The following PCDH9 variants were observed in gnomAD, a reference collection of about 807,000 sequenced individuals.
PCDH9 encodes protocadherin-9.
A neutral mutation model predicts 70.6 loss-of-function variants in PCDH9; 24 were observed. The observed-to-expected ratio is 0.34, with a 90% CI of 0.25 to 0.48. The LOEUF is 0.48. Among genes scored for constraint, PCDH9 ranks in the 20% least tolerant of loss-of-function variants. The pLI, the probability that PCDH9 is intolerant of heterozygous loss-of-function variation, is 0.99. For missense variants in PCDH9, 1,281 were observed against 1,503.6 expected, an observed-to-expected ratio of 0.85 and a Z score of 2.45; for synonymous variants, 562 against 558.5, an observed-to-expected ratio of 1.01 and a Z score of -0.09.
chr13:66,788,036 C>T (rs1323140555), intron 3 of PCDH9, among the ~76,000 whole-genome samples: 1 of 152,160 alleles, frequency 6.6e-6, no homozygotes, highest in African/African-American at 2.4e-5. Flanking sequence ...TTCTGTTGTA[C>T]TATACTGATA....
chr13:66,695,469 C>T (rs1297543080), intron 3 of PCDH9, among the ~76,000 whole-genome samples: 1 of 152,042 alleles, frequency 6.6e-6, no homozygotes, highest in Non-Finnish European at 1.5e-5. Flanking sequence ...TATAATCATG[C>T]TTTTTTCTTC....
intron 2 of PCDH9, among the ~76,000 whole-genome samples, chr13:67,195,293 C>T (rs2089031743): frequency 6.6e-6 from 1 of 151,990 alleles, no homozygotes; most frequent in Non-Finnish European, 1.5e-5. Context: ...TACAGGCGCC[C>T]TCCACCACGC....
intron 2 of PCDH9, among the ~76,000 whole-genome samples, chr13:67,048,812 A>G (rs2085270521): frequency 6.6e-6 from 1 of 152,204 alleles, no homozygotes; most frequent in African/African-American, 2.4e-5. Flanking sequence ...TGCACACAGT[A>G]GGTGTTCATA....
chr13:66,751,439 A>G (rs1291987321), intron 3 of PCDH9, among the ~76,000 whole-genome samples: 1 of 152,202 alleles, frequency 6.6e-6, no homozygotes, highest in Non-Finnish European at 1.5e-5. Flanking sequence ...AACAAAATCA[A>G]TTTTAGAAGC....
At chr13:66,735,800 C>A (rs1409155980) in intron 3 of PCDH9, among the ~76,000 whole-genome samples, 1 of 151,940 alleles carries the variant, frequency 6.6e-6, no homozygotes, top group African/African-American at 2.4e-5. Flanking sequence ...CTTGTCTCTA[C>A]TAAAAATACA....
chr13:67,187,285 G>C (rs994620223), intron 2 of PCDH9, among the ~76,000 whole-genome samples: 2 of 152,138 alleles, frequency 1.3e-5, no homozygotes, highest in African/African-American at 2.4e-5. Flanking sequence ...TTCAGTAACT[G>C]AAAACAATCA....
chr13:66,424,603 T>C (rs1957635180), intron 4 of PCDH9, among the ~76,000 whole-genome samples: 1 of 152,112 alleles, frequency 6.6e-6, no homozygotes, highest in Non-Finnish European at 1.5e-5. Context: ...CACTGCATAT[T>C]TCCTGATTTA....
intron 4 of PCDH9, chr13:66,323,161 G>C (rs1955784531): frequency 1.3e-5 from 2 of 151,924 alleles, no homozygotes. Context: ...CTTGGTCTCT[G>C]GTTCTCTTTT....
At chr13:66,783,490 G>A (rs4883788) in intron 3 of PCDH9, among the ~76,000 whole-genome samples, 76,220 of 151,916 alleles carry the variant, frequency 0.5, 21,499 homozygotes, top group Middle Eastern at 0.65. Context: ...GGTATATTCT[G>A]AACACTGTCA....
chr13:66,522,316 T>C (rs1960031838), intron 4 of PCDH9, among the ~76,000 whole-genome samples: 1 of 151,868 alleles, frequency 6.6e-6, no homozygotes, highest in Admixed American at 6.6e-5. Flanking sequence ...CATTGTCGTA[T>C]GGAAAAGGGG....
intron 3 of PCDH9, among the ~76,000 whole-genome samples, chr13:66,807,278 A>C (rs1278389355): frequency 6.6e-6 from 1 of 152,210 alleles, no homozygotes; most frequent in Non-Finnish European, 1.5e-5. Flanking sequence ...TCCAGCCTAC[A>C]GATTCCCAAA....
At chr13:66,827,110 G>T (rs943965179) in intron 3 of PCDH9, among the ~76,000 whole-genome samples, 2 of 152,062 alleles carry the variant, frequency 1.3e-5, no homozygotes, top group African/African-American at 4.8e-5. Context: ...GAGACATGAA[G>T]CAAGAGGTTG....
intron 2 of PCDH9, among the ~76,000 whole-genome samples, chr13:67,113,365 T>G (rs1202870624): frequency 3.3e-5 from 5 of 152,178 alleles, no homozygotes; most frequent in African/African-American, 1.2e-4. Flanking sequence ...TTTAACACAT[T>G]CACAATGGAG....
At chr13:66,751,123 G>A (rs2079451190) in intron 3 of PCDH9, among the ~76,000 whole-genome samples, 1 of 151,822 alleles carries the variant, frequency 6.6e-6, no homozygotes, top group Admixed American at 6.6e-5. Flanking sequence ...CCCTCTTCAG[G>A]GACTCTAATT....
intron 2 of PCDH9, among the ~76,000 whole-genome samples, chr13:66,998,179 T>G (rs2084161887): frequency 1.3e-5 from 2 of 151,940 alleles, no homozygotes; most frequent in Non-Finnish European, 2.9e-5. Flanking sequence ...TGTCCACAAG[T>G]GAGAAGAGAA....
At chr13:67,158,103 A>T (rs775095120) in intron 2 of PCDH9, among the ~76,000 whole-genome samples, 7 of 152,348 alleles carry the variant, frequency 4.6e-5, no homozygotes, top group Non-Finnish European at 1.0e-4. Context: ...AGTACATCAC[A>T]TGCAAGCTTT....
In PCDH9 at chr13:67,227,146, G is replaced by C. The variant is rs1243869360; in HGVS notation, c.1295C>G (p.Thr432Ser). 2.9e-5 allele frequency: 46 copies of C among 1,613,510 alleles called. No individual in the cohort carries two copies. Among genetic ancestry groups the C allele is most frequent in the Non-Finnish European group, 3.4e-5 (40 of 1,179,638 alleles). The change falls in exon 2 of 5, where the codon ACC becomes AGC. Residue 432 changes from threonine (T) to serine (S), a missense_variant. Thr to Ser is a moderately conservative substitution (Grantham distance 58, BLOSUM62 1). Transcript: ENST00000377865. This position sits in a 1 kb window ranked among gnomAD's most constrained non-coding sequence, Gnocchi z 4.6. ...ETSSLLDYEG[T>S]KEFSFKIVAS... ...AACAATTTTAAAGCTGAATTCTTTG[G>C]TGCCCTCATAGTCCAACAAAGAAGA...
chr13:67,133,000 A>G (rs555944908), intron 2 of PCDH9, among the ~76,000 whole-genome samples: 32 of 152,184 alleles, frequency 2.1e-4, no homozygotes, highest in African/African-American at 7.5e-4. Flanking sequence ...ACAGTATTTC[A>G]CTGATACTCC....
intron 2 of PCDH9, among the ~76,000 whole-genome samples, chr13:66,988,352 T>C (rs1369809215): frequency 2.0e-5 from 3 of 152,038 alleles, no homozygotes; most frequent in African/African-American, 7.2e-5. Context: ...TTTGGCATGT[T>C]TGCCAGTTTC....
Sources: gnomAD v4.1 joint callset for allele counts (sites outside exome capture counted in the v4.1 genomes callset) on GRCh38, gnomAD v4.1.1 for gene constraint, Gnocchi (gnomAD v3.1) non-coding constraint, MANE v1.5 for transcripts, NCBI Gene and HGNC (gene_info 2026-07-23, HGNC 2026-07-21) for gene names.